Variants in PDK1 observed in about 807,000 individuals in gnomAD.
PDK1 encodes the protein [Pyruvate dehydrogenase (acetyl-transferring)] kinase isozyme 1, mitochondrial.
Under a neutral mutation model 54.2 loss-of-function variants are expected in PDK1, and 39 were observed. The observed-to-expected ratio is 0.72, with a 90% confidence interval of 0.56 to 0.94. The LOEUF is 0.94. Ranked by LOEUF, PDK1 falls within the 40% of genes least tolerant of loss-of-function variation. The pLI is 0.00. For synonymous variants in PDK1, 221 were observed against 207.1 expected (o/e 1.07, Z -0.58); for missense variants, 552 against 566.0 (o/e 0.98, Z 0.25).
intron 8 of PDK1, among the ~76,000 whole-genome samples, chr2:172,573,455 G>A (rs1039974354): frequency 1.3e-5 from 2 of 151,034 alleles, no homozygotes; most frequent in South Asian, 2.1e-4. Context: ...GAGTTGTAAC[G>A]GTTCTCTCTC....
rs775353017 is a variant in PDK1 at position 172,556,210 on chromosome 2, C to T, written c.60C>T (p.Arg20=). The T allele has an allele frequency of 2.1e-6, 3 of 1,418,422 alleles. No homozygotes were observed. Among genetic ancestry groups the T allele is most frequent in the Admixed American group, 6.7e-5 (2 of 29,892 alleles). 87.9% of individuals were successfully genotyped at this position (1,418,422 alleles called of 1,614,324 possible). ...TGGCCGGCCCGGGCCCGGGGCTGCGCGCCGCCGGCTTCAGCCGCAGCTTCA... is the reference window on the plus strand; with the variant it reads ...TGGCCGGCCCGGGCCCGGGGCTGCGTGCCGCCGGCTTCAGCCGCAGCTTCA... ...AALAGPGPGL[R]AAGFSRSFSS... Residue 20 remains arginine, a synonymous_variant, in exon 1 of 11, where the codon CGC becomes CGT. Transcript: ENST00000282077.
chr2:172,717,815 G>A, the PDK1 span, among the ~76,000 whole-genome samples: 3 of 152,160 alleles, frequency 2.0e-5, no homozygotes, highest in Admixed American at 1.3e-4. Flanking sequence ...GCTATGTGAG[G>A]GGCTTTTTTT....
intron 5 of PDK1, among the ~76,000 whole-genome samples, chr2:172,565,452 C>T (rs558648886): frequency 2.6e-5 from 4 of 152,158 alleles, no homozygotes; most frequent in African/African-American, 9.6e-5. Context: ...TACAGATGCT[C>T]AACACTACGC....
the PDK1 span, among the ~76,000 whole-genome samples, chr2:172,621,824 TATGTTTATATCTCATATGTATGATAC>T: frequency 0.073 from 10,265 of 140,670 alleles, 1,739 homozygotes; most frequent in East Asian, 0.2. Context: ...ATGTATGATA[TATGTTTATATCTCATATGTATGATAC>T]ATGTTTATAT....
chr2:172,714,055 G>A, the PDK1 span, among the ~76,000 whole-genome samples: 1 of 152,172 alleles, frequency 6.6e-6, no homozygotes, highest in Admixed American at 6.5e-5. Flanking sequence ...GTAGATCTGG[G>A]AACAAAACAC....
the PDK1 span, among the ~76,000 whole-genome samples, chr2:172,630,602 A>G: frequency 6.6e-6 from 1 of 150,682 alleles, no homozygotes. Flanking sequence ...TCATATGGTC[A>G]TATCCACCTA....
Position 172,573,098 on chromosome 2 carries a change from CTT to C in PDK1, c.945+2275_945+2276del, listed in dbSNP as rs374488976. ...TTGTGTGAACATGTGTTTCAGTTAT[CTT>C]ATGTATATACCTAGGAATTGAATTG... On this transcript the variant is annotated intron_variant, in intron 8 of 10. Transcript: ENST00000282077. 2.6e-4 allele frequency among the ~76,000 whole-genome samples: 39 copies of C among 152,210 alleles called. No homozygotes were observed. The East Asian group carries it at 6.8e-3, about 26-fold the overall frequency.
chr2:172,641,192 T>C, the PDK1 span, among the ~76,000 whole-genome samples: 2 of 148,200 alleles, frequency 1.3e-5, no homozygotes, highest in Non-Finnish European at 3.0e-5. Context: ...TGTAGTGGCA[T>C]CATAACTCAC....
rs1402722502 is a variant in PDK1, at chr2:172,603,066, A to T, written c.*7097A>T. 6.6e-6 allele frequency: 1 copy of T among 152,230 alleles called. No individual in the cohort carries two copies. The highest frequency in any genetic ancestry group is 2.4e-5 in the African/African-American group (1 of 41,448). The allele number at this position is 152,230 out of a possible 1,614,324, so 9.4% of individuals were successfully genotyped here. On this transcript the variant is annotated 3_prime_UTR_variant, in exon 11 of 11. Transcript: ENST00000282077. ...ATCTTGAGCAAATGCAGACTGGTTC[A>T]GCAGATCTGGAGTGGGGCCTGAGAT...
intron 1 of PDK1, among the ~76,000 whole-genome samples, chr2:172,557,646 T>TGTGTGTGTGTGTGTGTG (rs1558921740): frequency 7.0e-6 from 1 of 142,206 alleles, no homozygotes; most frequent in African/African-American, 2.6e-5. Context: ...TGTGTGTGTG[T>TGTGTGTGTGTGTGTGTG]ATTTTTTTTT....
the PDK1 span, among the ~76,000 whole-genome samples, chr2:172,646,703 T>C: frequency 6.8e-6 from 1 of 147,548 alleles, no homozygotes; most frequent in African/African-American, 2.5e-5. Context: ...AGATTTTTGC[T>C]TCAAGTCAGA....
the PDK1 span, among the ~76,000 whole-genome samples, chr2:172,661,629 TA>T: frequency 9.6e-4 from 146 of 152,304 alleles, no homozygotes; most frequent in Non-Finnish European, 1.7e-3. Context: ...TATGTAGTCA[TA>T]AAAAATGAAA....
the PDK1 span, among the ~76,000 whole-genome samples, chr2:172,669,174 C>T: frequency 6.6e-6 from 1 of 150,876 alleles, no homozygotes; most frequent in Non-Finnish European, 1.5e-5. Flanking sequence ...ATTCTCCTGC[C>T]TCAGCCTCCC....
intron 8 of PDK1, among the ~76,000 whole-genome samples, chr2:172,575,651 A>G (rs922894082): frequency 6.6e-6 from 1 of 151,926 alleles, no homozygotes; most frequent in African/African-American, 2.4e-5. Context: ...GCAAAACTCC[A>G]TCTCTACTAA....
the PDK1 span, among the ~76,000 whole-genome samples, chr2:172,694,421 C>T: frequency 2.0e-5 from 3 of 152,298 alleles, no homozygotes; most frequent in South Asian, 2.1e-4. Flanking sequence ...CATTCAACAT[C>T]GTTTCATTAT....
At position 172,583,281 on chromosome 2, in the gene PDK1, G is replaced by GTTTTTTTTTTTTTTTTTTTTTTT. The variant is rs1175087926; in HGVS notation, c.946-2988_946-2966dup. Among the ~76,000 whole-genome samples, 13 of 77,074 alleles carry GTTTTTTTTTTTTTTTTTTTTTTT rather than the reference G, an allele frequency of 1.7e-4. 1 individual carries two copies. Among genetic ancestry groups the GTTTTTTTTTTTTTTTTTTTTTTT allele is most frequent in the African/African-American group, 6.0e-4 (11 of 18,480 alleles). The allele number at this position is 77,074 out of a possible 152,430, so 50.6% of individuals were successfully genotyped here. A position where few individuals can be genotyped will look rare whatever the true frequency, so the allele number is the denominator to read the frequency against. ...CATAATGCTGCATAAAAGTTTTCTG[G>GTTTTTTTTTTTTTTTTTTTTTTT]TTTTTTTTTTTTTTTTTTTTTTTTT... On this transcript the variant is annotated intron_variant, in intron 8 of 10. Coordinates refer to ENST00000282077, the MANE Select transcript of PDK1 (RefSeq NM_002610.5).
chr2:172,567,853 A>T (rs538333911), intron 6 of PDK1, among the ~76,000 whole-genome samples: 37 of 152,224 alleles, frequency 2.4e-4, no homozygotes, highest in Non-Finnish European at 4.6e-4. Flanking sequence ...TTGTTCTACT[A>T]AATGTCTGTT....
chr2:172,589,362 T>A (rs1351455596), intron 9 of PDK1, among the ~76,000 whole-genome samples: 1 of 152,180 alleles, frequency 6.6e-6, no homozygotes, highest in Non-Finnish European at 1.5e-5. Flanking sequence ...AGCAAAGCTA[T>A]CACCACCTTG....
chr2:172,593,071 T>C, intron 10 of PDK1, 23 bp downstream of exon 10: 1 of 1,193,928 alleles, frequency 8.4e-7, no homozygotes, highest in Non-Finnish European at 1.2e-6. Flanking sequence ...GTCTTCTTGA[T>C]TTAATATTTC....
Sources: allele counts gnomAD v4.1 joint callset (sites outside exome capture counted in the v4.1 genomes callset), GRCh38; gene constraint gnomAD v4.1.1; transcripts MANE v1.5; gene names NCBI Gene and HGNC (gene_info 2026-07-23, HGNC 2026-07-21).